Variants in ATRNL1 observed in about 807,000 individuals in gnomAD.
ATRNL1 encodes attractin-like protein 1.
In ATRNL1, 95 loss-of-function variants were observed where a neutral mutation model predicts 182.7. The ratio of observed to expected loss-of-function variants is 0.52; its 90% CI spans 0.44 to 0.62. The LOEUF is 0.62. Among genes scored for constraint, ATRNL1 ranks in the 20% least tolerant of loss-of-function variants. ATRNL1 has a pLI of 0.00. For missense variants in ATRNL1, 1,471 were observed against 1,679.5 expected (o/e 0.88, Z 2.17); for synonymous variants, 576 against 568.3 (o/e 1.01, Z -0.19).
intron 26 of ATRNL1, among the ~76,000 whole-genome samples, chr10:115,617,193 G>A (rs1159809012): frequency 4.6e-5 from 7 of 152,124 alleles, no homozygotes; most frequent in Non-Finnish European, 1.0e-4. Context: ...TGCAGTCAAG[G>A]GATATTATTT....
intron 27 of ATRNL1, among the ~76,000 whole-genome samples, chr10:115,766,923 A>G (rs1948870386): frequency 6.6e-6 from 1 of 152,176 alleles, no homozygotes; most frequent in Non-Finnish European, 1.5e-5. Flanking sequence ...GAAGTCACAT[A>G]AACTCTGAGC....
At chr10:115,289,133 A>C (rs1852771765) in intron 15 of ATRNL1, among the ~76,000 whole-genome samples, 1 of 152,158 alleles carries the variant, frequency 6.6e-6, no homozygotes, top group African/African-American at 2.4e-5. Context: ...GGGGAAAGAG[A>C]GGGAGAGCTT....
intron 15 of ATRNL1, among the ~76,000 whole-genome samples, chr10:115,290,845 G>T (rs1173986647): frequency 2.0e-5 from 3 of 152,184 alleles, no homozygotes; most frequent in Non-Finnish European, 2.9e-5. Context: ...ATCTGACCAG[G>T]TGTGTCATTT....
At chr10:115,768,924 T>C (rs1948921883) in intron 27 of ATRNL1, among the ~76,000 whole-genome samples, 1 of 152,066 alleles carries the variant, frequency 6.6e-6, no homozygotes, top group South Asian at 2.1e-4. Context: ...TTTAAATGAG[T>C]CACTTTTAAA....
intron 28 of ATRNL1, among the ~76,000 whole-genome samples, chr10:115,905,268 T>G (rs1236506863): frequency 6.6e-6 from 1 of 152,104 alleles, no homozygotes; most frequent in Non-Finnish European, 1.5e-5. Context: ...TCACCCAGGA[T>G]AGAGTACAGT....
rs537472246 is a variant in ATRNL1 at position 115,129,608 on chromosome 10, G to A, written c.829+73G>A. 34 of 1,274,986 alleles carry A rather than the reference G, an allele frequency of 2.7e-5. No individual in the cohort carries two copies. The East Asian group carries it at 5.8e-4, about 22-fold the overall frequency. 79.0% of individuals were successfully genotyped at this position (1,274,986 alleles called of 1,614,324 possible). ...TAATAGATTAATACAAATTCCACAC[G>A]TTTGTTTCGTTATAGTTTGCACACC... On this transcript the variant is annotated intron_variant, in intron 5 of 28. Transcript: ENST00000355044.
chr10:115,204,855 C>T (rs1554893418), intron 8 of ATRNL1, among the ~76,000 whole-genome samples: 1 of 151,992 alleles, frequency 6.6e-6, no homozygotes, highest in African/African-American at 2.4e-5. Context: ...GTTGTTAATT[C>T]TTCTTTAGAT....
chr10:115,389,568 ATATATATATATATATATATATATT>A (rs1564990048), intron 19 of ATRNL1, among the ~76,000 whole-genome samples: 4 of 116,680 alleles, frequency 3.4e-5, no homozygotes, highest in African/African-American at 1.3e-4. Context: ...ATATATATAT[ATATATATATATATATATATATATT>A]TCATCCAATG....
intron 17 of ATRNL1, among the ~76,000 whole-genome samples, chr10:115,305,757 C>T (rs148617757): frequency 6.6e-6 from 1 of 151,986 alleles, no homozygotes; most frequent in South Asian, 2.1e-4. Flanking sequence ...TTTAGAAATG[C>T]GTATTTAGGT....
At chr10:115,370,081 C>T (rs1386404826) in intron 19 of ATRNL1, among the ~76,000 whole-genome samples, 2 of 152,164 alleles carry the variant, frequency 1.3e-5, no homozygotes, top group Non-Finnish European at 2.9e-5. Flanking sequence ...GGGAGTTTCC[C>T]TGCACAAAAT....
At chr10:115,710,989 G>A (rs1947046407) in intron 26 of ATRNL1, among the ~76,000 whole-genome samples, 1 of 152,042 alleles carries the variant, frequency 6.6e-6, no homozygotes, top group Non-Finnish European at 1.5e-5. Context: ...AATATCTGGT[G>A]TTCTTTTGAA....
intron 26 of ATRNL1, among the ~76,000 whole-genome samples, chr10:115,557,070 CTG>C (rs1853356017): frequency 6.6e-6 from 1 of 151,990 alleles, no homozygotes; most frequent in African/African-American, 2.4e-5. Context: ...AGCTGGGAAA[CTG>C]TAGAAGGGTT....
intron 25 of ATRNL1, among the ~76,000 whole-genome samples, chr10:115,532,562 C>T (rs1191240146): frequency 1.3e-5 from 2 of 151,800 alleles, no homozygotes; most frequent in East Asian, 1.9e-4. Context: ...ACAATCATGT[C>T]GTCTGCAAAC....
At chr10:115,216,713 C>A (rs988817625) in intron 9 of ATRNL1, among the ~76,000 whole-genome samples, 1 of 151,414 alleles carries the variant, frequency 6.6e-6, no homozygotes, top group African/African-American at 2.4e-5. Context: ...AGTATACATT[C>A]TTTTAAACTT....
chr10:115,521,715 T>C (rs1850945356), intron 25 of ATRNL1, among the ~76,000 whole-genome samples: 1 of 152,214 alleles, frequency 6.6e-6, no homozygotes. Context: ...TAAAATATTC[T>C]AATCTTTGGG....
chr10:115,333,233 C>T (rs1385315017), intron 18 of ATRNL1, among the ~76,000 whole-genome samples: 1 of 152,128 alleles, frequency 6.6e-6, no homozygotes, highest in Non-Finnish European at 1.5e-5. Flanking sequence ...AGTTACCAGA[C>T]TAAGTTAATT....
At chr10:115,137,374 C>A (rs1463632971) in intron 5 of ATRNL1, among the ~76,000 whole-genome samples, 5 of 152,258 alleles carry the variant, frequency 3.3e-5, no homozygotes, top group Admixed American at 1.3e-4. Flanking sequence ...GGCCTTCCAT[C>A]TACATACCAA....
rs187507707 is a variant in ATRNL1 at position 115,281,403 on chromosome 10, A to G, written c.2149A>G (p.Asn717Asp). 3.7e-6 allele frequency: 6 copies of G among 1,613,582 alleles called. No individual in the cohort carries two copies. In the East Asian group the frequency reaches 1.3e-4, roughly 36 times the overall value. Reference sequence around the variant, plus strand: ...TCATGTGAGAAATGAGCAGATTTGTAACAAACTTACCAGCTGTAAAAGCTG... The same window carrying G: ...TCATGTGAGAAATGAGCAGATTTGTGACAAACTTACCAGCTGTAAAAGCTG... ...KCHVRNEQIC[N>D]KLTSCKSCSL... The change falls in exon 14 of 29, where the codon AAC becomes GAC. Residue 717 changes from asparagine to aspartate, a missense_variant. Asn to Asp is a conservative substitution (Grantham distance 23, BLOSUM62 1). Coordinates refer to ENST00000355044, the MANE Select transcript of ATRNL1 (RefSeq NM_207303.4).
chr10:115,144,154 A>G (rs1319591887), intron 5 of ATRNL1, among the ~76,000 whole-genome samples: 1 of 135,480 alleles, frequency 7.4e-6, no homozygotes, highest in African/African-American at 2.7e-5. Context: ...AAGTTTTTGT[A>G]TTTTTTTTTT....
Sources: gnomAD v4.1 joint callset for allele counts (sites outside exome capture counted in the v4.1 genomes callset) on GRCh38, gnomAD v4.1.1 for gene constraint, MANE v1.5 for transcripts, NCBI Gene and HGNC (gene_info 2026-07-23, HGNC 2026-07-21) for gene names.